Variants in ADGRL3 observed in about 807,000 individuals in gnomAD.
The protein encoded by ADGRL3 is calcium-independent alpha-latrotoxin receptor 3.
In ADGRL3, 62 loss-of-function variants were observed where a neutral mutation model predicts 153.5. That is an observed-to-expected ratio of 0.40 (90% CI 0.33 to 0.50). ADGRL3 has a LOEUF of 0.50. Among genes scored for constraint, ADGRL3 ranks in the 20% least tolerant of loss-of-function variants. ADGRL3 has a pLI of 0.47. For missense variants in ADGRL3, 1,641 were observed against 1,859.4 expected (o/e 0.88, Z 2.16); for synonymous variants, 710 against 672.5 (o/e 1.06, Z -0.86).
intron 21 of ADGRL3, among the ~76,000 whole-genome samples, chr4:62,010,420 T>A (rs1386044668): frequency 1.3e-5 from 2 of 151,608 alleles, no homozygotes; most frequent in African/African-American, 4.9e-5. Context: ...GAACAAATAT[T>A]TATTTTTTAT....
chr4:61,654,651 C>A lies in ADGRL3; in HGVS notation c.474-22175C>A, dbSNP rs909003791. On this transcript the variant is annotated intron_variant, in intron 5 of 26. Coordinates refer to ENST00000683033, the MANE Select transcript of ADGRL3 (RefSeq NM_001387552.1). Reference sequence around the variant, plus strand: ...TGGTGGTTGAAGCCTGTAATCCCCGCACTTTGGGAGGCCAAGGTGGGCAGA... The same window carrying A: ...TGGTGGTTGAAGCCTGTAATCCCCGAACTTTGGGAGGCCAAGGTGGGCAGA... 7.2e-5 allele frequency among the ~76,000 whole-genome samples: 11 copies of A among 152,078 alleles called. No homozygotes were observed. The South Asian group carries it at 8.3e-4, about 11-fold the overall frequency.
intron 4 of ADGRL3, among the ~76,000 whole-genome samples, chr4:61,577,200 G>C (rs1429931522): frequency 1.4e-5 from 2 of 143,680 alleles, no homozygotes; most frequent in African/African-American, 2.5e-5. Context: ...GAGTGTGTGT[G>C]CATGTGTGTG....
rs1351753551 is a variant in ADGRL3 at position 61,741,438 on chromosome 4, T to A, written c.1399+7884T>A. Among the ~76,000 whole-genome samples, 4 of 152,246 alleles carry A rather than the reference T, an allele frequency of 2.6e-5. No individual in the cohort carries two copies. In the South Asian group the frequency reaches 8.3e-4, roughly 31 times the overall value. ...CTGTATTTTTATGCATCAGCTGTTT[T>A]CTCTGTCTGCAGAGGAGCCCCTTCT... On this transcript the variant is annotated intron_variant, in intron 8 of 26. Transcript: ENST00000683033.
intron 1 of ADGRL3, among the ~76,000 whole-genome samples, chr4:61,205,456 G>A (rs773776028): frequency 9.9e-5 from 15 of 152,128 alleles, no homozygotes; most frequent in Non-Finnish European, 2.2e-4. Context: ...TTTGCAAATG[G>A]CTATTTTGCC....
At chr4:61,438,794 G>A (rs971252163) in intron 2 of ADGRL3, among the ~76,000 whole-genome samples, 2 of 148,500 alleles carry the variant, frequency 1.3e-5, no homozygotes, top group African/African-American at 2.5e-5. Flanking sequence ...TGCAAGCTCC[G>A]CCTCCCGGGT....
chr4:61,666,310 T>C (rs1197195414), intron 5 of ADGRL3, among the ~76,000 whole-genome samples: 2 of 152,178 alleles, frequency 1.3e-5, no homozygotes, highest in Non-Finnish European at 2.9e-5. Flanking sequence ...GTTCCTTTTC[T>C]TTCCATTTCT....
chr4:61,863,394 C>T (rs897901230), intron 9 of ADGRL3, among the ~76,000 whole-genome samples: 2 of 151,372 alleles, frequency 1.3e-5, no homozygotes, highest in Non-Finnish European at 2.9e-5. Context: ...CCCGCCACTA[C>T]GCCCGGCTAA....
chr4:61,844,576 A>AAAAAAAAAAAAAAATATATG (rs2098089494), intron 9 of ADGRL3, among the ~76,000 whole-genome samples: 1 of 9,464 alleles, frequency 1.1e-4, no homozygotes, highest in Non-Finnish European at 2.1e-4. Context: ...AAAAAAAAAA[A>AAAAAAAAAAAAAAATATATG]TATATATATA....
rs1166970099 is a variant in ADGRL3, at chr4:61,831,411, TAAAAAAAAAAAAAA to T, written c.1480+17541_1480+17554del. ...GATGAAGAAAGGAAAAGATGCTAAG[TAAAAAAAAAAAAAA>T]AAAAAAAAAAAAAAAAAAGATGCTA... On this transcript the variant is annotated intron_variant, in intron 9 of 26. Transcript: ENST00000683033. Among the ~76,000 whole-genome samples the T allele has an allele frequency of 2.4e-3, 88 of 37,302 alleles. 1 individual carries two copies. Among genetic ancestry groups the T allele is most frequent in the Middle Eastern group, 0.028 (1 of 36 alleles). 24.5% of individuals were successfully genotyped at this position (37,302 alleles called of 152,430 possible). A position where few individuals can be genotyped will look rare whatever the true frequency, so the allele number is the denominator to read the frequency against.
intron 6 of ADGRL3, among the ~76,000 whole-genome samples, chr4:61,692,637 T>C (rs540521429): frequency 1.3e-5 from 2 of 152,090 alleles, no homozygotes; most frequent in South Asian, 4.1e-4. Flanking sequence ...AAAGATGGAG[T>C]TTTGCCATGT....
At chr4:61,554,524 A>T (rs1181922499) in intron 4 of ADGRL3, among the ~76,000 whole-genome samples, 1 of 151,946 alleles carries the variant, frequency 6.6e-6, no homozygotes, top group Non-Finnish European at 1.5e-5. Context: ...TCATATTTAA[A>T]ATTTCATCCA....
intron 5 of ADGRL3, among the ~76,000 whole-genome samples, chr4:61,614,117 G>T (rs2091720998): frequency 6.6e-6 from 1 of 152,034 alleles, no homozygotes; most frequent in African/African-American, 2.4e-5. Flanking sequence ...AAAAAGTACT[G>T]CTGCTAACTA....
chr4:62,031,384 T>C, intron 22 of ADGRL3, 58 bp from the exon 23 acceptor site: 1 of 1,388,550 alleles, frequency 7.2e-7, no homozygotes, highest in East Asian at 2.3e-5. Context: ...TGATCTGATA[T>C]GGTTGTTAAT....
chr4:61,787,245 A>G (rs980573522), intron 8 of ADGRL3, among the ~76,000 whole-genome samples: 1 of 152,122 alleles, frequency 6.6e-6, no homozygotes, highest in Non-Finnish European at 1.5e-5. Flanking sequence ...CACTAATTGC[A>G]TATGCTATCC....
intron 1 of ADGRL3, among the ~76,000 whole-genome samples, chr4:61,220,016 G>A (rs1048878336): frequency 3.3e-5 from 5 of 151,666 alleles, no homozygotes; most frequent in African/African-American, 1.2e-4. Flanking sequence ...GCTGAGGCAG[G>A]AGAATCGCTT....
At position 61,424,559 on chromosome 4, in the gene ADGRL3, A is replaced by C. The variant is rs114131240; in HGVS notation, c.-174+41370A>C. ...ATTAGTAAGGCTCTCAACTGCTTCA[A>C]CCTCCTGTGCCATCTCTTGCAAGGC... On this transcript the variant is annotated intron_variant, in intron 2 of 26. Transcript: ENST00000683033. 5.6e-3 allele frequency among the ~76,000 whole-genome samples: 854 copies of C among 152,132 alleles called. 10 individuals carry two copies. Among genetic ancestry groups the C allele is most frequent in the African/African-American group, 0.02 (827 of 41,508 alleles).
chr4:61,465,889 A>T (rs1460525410), intron 2 of ADGRL3, among the ~76,000 whole-genome samples: 1 of 151,630 alleles, frequency 6.6e-6, no homozygotes, highest in African/African-American at 2.4e-5. Context: ...GGGGAGGCCT[A>T]TGCGGGTGGA....
intron 21 of ADGRL3, among the ~76,000 whole-genome samples, chr4:62,006,252 T>G (rs1301122683): frequency 1.3e-5 from 2 of 151,560 alleles, no homozygotes; most frequent in African/African-American, 4.9e-5. Flanking sequence ...GCCAGACTGG[T>G]CTCGAATTCC....
At chr4:61,353,939 T>C (rs2096109460) in intron 1 of ADGRL3, among the ~76,000 whole-genome samples, 1 of 152,170 alleles carries the variant, frequency 6.6e-6, no homozygotes. Context: ...TTATCACAGA[T>C]GGATTTAACA....
Sources: allele counts gnomAD v4.1 joint callset (sites outside exome capture counted in the v4.1 genomes callset), GRCh38; gene constraint gnomAD v4.1.1; transcripts MANE v1.5; gene names NCBI Gene and HGNC (gene_info 2026-07-23, HGNC 2026-07-21).